Variants in HEBP2 observed in about 807,000 individuals in gnomAD.
HEBP2 encodes the protein heme-binding protein 2.
A neutral mutation model predicts 23.1 loss-of-function variants in HEBP2; 27 were observed. The observed-to-expected ratio is 1.17, with a 90% CI of 0.86 to 1.61. The LOEUF is 1.61. Among genes scored for constraint, HEBP2 ranks in the 40% most tolerant of loss-of-function variants. The pLI is 0.00. For synonymous variants in HEBP2, 99 were observed against 95.1 expected (o/e 1.04, Z -0.24); for missense variants, 245 against 253.8 (o/e 0.97, Z 0.24).
chr6:138,415,460 G>C lies in HEBP2; in HGVS notation c.*2382G>C, dbSNP rs1304496854. ...ACGCAATGACTGGTGGGTGATTTGG[G>C]TGTCTCAAATATGGGAAGGGTGGAT... is the stretch of plus-strand genomic sequence containing the variant. On this transcript the variant is annotated 3_prime_UTR_variant, in exon 4 of 4. Transcript: ENST00000607197. The C allele has an allele frequency of 6.6e-6, 1 of 152,276 alleles. No homozygotes were observed. Among genetic ancestry groups the C allele is most frequent in the Non-Finnish European group, 1.5e-5 (1 of 68,086 alleles). 9.4% of individuals were successfully genotyped at this position (152,276 alleles called of 1,614,324 possible).
Position 138,413,190 on chromosome 6 carries a change from A to G in HEBP2, c.*112A>G. 1.3e-6 allele frequency: 1 copy of G among 772,598 alleles called. No individual in the cohort carries two copies. The highest frequency in any genetic ancestry group is 2.1e-6 in the Non-Finnish European group (1 of 471,552). The allele number at this position is 772,598 out of a possible 1,614,324, so 47.9% of individuals were successfully genotyped here. A position where few individuals can be genotyped will look rare whatever the true frequency, so the allele number is the denominator to read the frequency against. On this transcript the variant is annotated 3_prime_UTR_variant, in exon 4 of 4. Transcript: ENST00000607197. Reference sequence around the variant, plus strand: ...AGTGTCTTCTATTGAGAGTACTACTATTAATTAAGCTTATTTCCAATGTGC... The same window carrying G: ...AGTGTCTTCTATTGAGAGTACTACTGTTAATTAAGCTTATTTCCAATGTGC...
intron 2 of HEBP2, 127 bp downstream of exon 2, chr6:138,405,407 T>C (rs1774627125): frequency 1.6e-6 from 2 of 1,222,742 alleles, no homozygotes; most frequent in Admixed American, 4.8e-5. Flanking sequence ...AGACTTGTCT[T>C]GTTTTCAGAC....
At chr6:138,406,504 TTATG>T (rs1430455176) in intron 3 of HEBP2, among the ~76,000 whole-genome samples, 1 of 152,148 alleles carries the variant, frequency 6.6e-6, no homozygotes, top group African/African-American at 2.4e-5. Flanking sequence ...GCTGGGTAGT[TTATG>T]AAAAACAGAA....
At chr6:138,408,990 C>T (rs1293840129) in intron 3 of HEBP2, among the ~76,000 whole-genome samples, 1 of 152,058 alleles carries the variant, frequency 6.6e-6, no homozygotes, top group Non-Finnish European at 1.5e-5. Context: ...GTGCCTGTCT[C>T]AGTTGAGGGC....
chr6:138,403,975 T>G (rs1247677687), upstream of HEBP2, among the ~76,000 whole-genome samples: 1 of 148,430 alleles, frequency 6.7e-6, no homozygotes, highest in Non-Finnish European at 1.5e-5. Flanking sequence ...GCCGCGGGGG[T>G]CGGGTCGCCA....
rs144550623 is a variant in HEBP2 at position 138,411,866 on chromosome 6, GC to G, written c.420-1013del. 2.1e-3 allele frequency among the ~76,000 whole-genome samples: 313 copies of G among 152,244 alleles called. 1 individual carries two copies. Among genetic ancestry groups the G allele is most frequent in the African/African-American group, 7.3e-3 (303 of 41,536 alleles). On this transcript the variant is annotated intron_variant, in intron 3 of 3. Transcript: ENST00000607197. ...CTTGGGAGGCTGAGGTGGGAGGACT[GC>G]TTGAGCCCAGGAGGTCAAGGATGCT... is the stretch of plus-strand genomic sequence containing the variant.
rs1466168531 is a variant in HEBP2, at chr6:138,419,202, T to G, written c.*6124T>G. ...GGAACCCACCAACATGGGCTCCCACTTACCAAGGCCAACTTAGACACTGCT... is the reference window on the plus strand; with the variant it reads ...GGAACCCACCAACATGGGCTCCCACGTACCAAGGCCAACTTAGACACTGCT... On this transcript the variant is annotated 3_prime_UTR_variant, in exon 4 of 4. Transcript: ENST00000607197. 6.6e-6 allele frequency: 1 copy of G among 152,214 alleles called. No homozygotes were observed. The highest frequency in any genetic ancestry group is 1.5e-5 in the Non-Finnish European group (1 of 68,044). The allele number at this position is 152,214 out of a possible 1,614,324, so 9.4% of individuals were successfully genotyped here.
chr6:138,409,081 C>T (rs898863287), intron 3 of HEBP2, among the ~76,000 whole-genome samples: 1 of 151,792 alleles, frequency 6.6e-6, no homozygotes, highest in African/African-American at 2.4e-5. Flanking sequence ...GGCTGGAGTA[C>T]AGTGGCATGA....
chr6:138,412,103 G>A (rs1048541156), intron 3 of HEBP2: 2 of 445,410 alleles, frequency 4.5e-6, no homozygotes, highest in South Asian at 1.6e-5. Context: ...AAGGGGCAAT[G>A]TGCAAGTGAA....
chr6:138,405,858 G>A (rs1774635112), intron 2 of HEBP2, 113 bp from the exon 3 acceptor site: 4 of 879,308 alleles, frequency 4.5e-6, no homozygotes, highest in Non-Finnish European at 5.1e-6. Flanking sequence ...TATCTTAAAG[G>A]TAAATATGTC....
At chr6:138,403,625 C>T (rs547107325), upstream of HEBP2, 156 of 438,420 alleles carry the variant, frequency 3.6e-4, 2 homozygotes, top group African/African-American at 2.9e-3. Context: ...GACAGTAACG[C>T]GGAGTCGGCC....
Position 138,419,676 on chromosome 6 carries a change from CAGAA to C in HEBP2, c.*6601_*6604del, listed in dbSNP as rs1256298070. On this transcript the variant is annotated 3_prime_UTR_variant, in exon 4 of 4. Transcript: ENST00000607197. The stretch of plus-strand genomic sequence containing the variant: ...CCTGCACACAGTATACTTATTGAAT[CAGAA>C]AGCCTGTATGATGCTGTGTCTACAA... The C allele has an allele frequency of 6.6e-6, 1 of 152,080 alleles. No individual in the cohort carries two copies. Among genetic ancestry groups the C allele is most frequent in the African/African-American group, 2.4e-5 (1 of 41,420 alleles). The allele number at this position is 152,080 out of a possible 1,614,324, so 9.4% of individuals were successfully genotyped here.
chr6:138,404,754 A>C (rs1047287989), intron 1 of HEBP2, among the ~76,000 whole-genome samples, 157 bp downstream of exon 1: 1 of 152,152 alleles, frequency 6.6e-6, no homozygotes, highest in African/African-American at 2.4e-5. Context: ...CCGGTCATTT[A>C]GCTCTACCCT....
intron 3 of HEBP2, among the ~76,000 whole-genome samples, chr6:138,407,248 G>C (rs1375153480): frequency 2.0e-5 from 3 of 152,144 alleles, no homozygotes; most frequent in Non-Finnish European, 4.4e-5. Flanking sequence ...TCCTGCGGCC[G>C]ATTCCCCTCC....
rs1033650160 is a variant in HEBP2, at chr6:138,418,736, C to G, written c.*5658C>G. The G allele has an allele frequency of 6.6e-6, 1 of 152,124 alleles. No homozygotes were observed. Among genetic ancestry groups the G allele is most frequent in the African/African-American group, 2.4e-5 (1 of 41,412 alleles). 9.4% of individuals were successfully genotyped at this position (152,124 alleles called of 1,614,324 possible). On this transcript the variant is annotated 3_prime_UTR_variant, in exon 4 of 4. Transcript: ENST00000607197. ...GCTTGGTTTATTGATTAGTTATCTT[C>G]TGTAGTTGCAAGCTGAAAATGGACC...
At chr6:138,403,777 G>T, upstream of HEBP2, 1 of 402,752 alleles carries the variant, frequency 2.5e-6, no homozygotes, top group South Asian at 1.1e-4. Flanking sequence ...CTGCGGGGAT[G>T]ACTCAGAGGG....
chr6:138,412,072 C>T (rs1041186274), intron 3 of HEBP2: 58 of 449,498 alleles, frequency 1.3e-4, no homozygotes, highest in African/African-American at 1.0e-3. Flanking sequence ...AGTGTTTATT[C>T]TTTTCCTTAG....
rs1774830756 is a variant in HEBP2, at chr6:138,415,692, T to G, written c.*2614T>G. On this transcript the variant is annotated 3_prime_UTR_variant, in exon 4 of 4. Transcript: ENST00000607197. The stretch of plus-strand genomic sequence containing the variant: ...CAAGCACAGGATTTGATGGTAAAAG[T>G]AGCTAACAGCCAACAAATACTCAAC... 1 of 152,132 alleles carries G rather than the reference T, an allele frequency of 6.6e-6. No individual in the cohort carries two copies. 9.4% of individuals were successfully genotyped at this position (152,132 alleles called of 1,614,324 possible).
In HEBP2 at chr6:138,415,272, A is replaced by G. The variant is rs926865916; in HGVS notation, c.*2194A>G. The G allele has an allele frequency of 2.0e-5, 3 of 152,176 alleles. No individual in the cohort carries two copies. The highest frequency in any genetic ancestry group is 7.2e-5 in the African/African-American group (3 of 41,432). The allele number at this position is 152,176 out of a possible 1,614,324, so 9.4% of individuals were successfully genotyped here. The stretch of plus-strand genomic sequence containing the variant: ...TTGGCACAATTGGTACCAGTGGCCC[A>G]CGAACGTAGGTGGTAAGACAGCATT... On this transcript the variant is annotated 3_prime_UTR_variant, in exon 4 of 4. Transcript: ENST00000607197.
Sources: gnomAD v4.1 joint callset for allele counts (sites outside exome capture counted in the v4.1 genomes callset) on GRCh38, gnomAD v4.1.1 for gene constraint, MANE v1.5 for transcripts, NCBI Gene and HGNC (gene_info 2026-07-23, HGNC 2026-07-21) for gene names.